Variants in TSHZ2 observed in about 807,000 individuals in gnomAD.
The protein encoded by TSHZ2 is teashirt zinc finger homeobox 2, also known as teashirt homolog 2.
Under a neutral mutation model 74.4 loss-of-function variants are expected in TSHZ2, and 21 were observed. That is an observed-to-expected ratio of 0.28 (90% confidence interval 0.20 to 0.41). The LOEUF (loss-of-function observed/expected upper bound fraction) is 0.41. TSHZ2 is among the 10% of genes least tolerant of loss of function. TSHZ2 has a pLI of 1.00. For missense variants in TSHZ2, 1,244 were observed against 1,293.5 expected, an observed-to-expected ratio of 0.96 and a Z score of 0.59; for synonymous variants, 540 against 515.3, an observed-to-expected ratio of 1.05 and a Z score of -0.65.
At chr20:52,988,934 G>A (rs1352218529) in intron 1 of TSHZ2, among the ~76,000 whole-genome samples, 5 of 152,046 alleles carry the variant, frequency 3.3e-5, no homozygotes, top group Non-Finnish European at 7.4e-5. Flanking sequence ...CGCATGCAAC[G>A]ACACTGCCCT....
In TSHZ2 at chr20:53,232,031, C is replaced by T. The variant is rs117822630; in HGVS notation, c.41-21468C>T. On this transcript the variant is annotated intron_variant, in intron 1 of 2. Coordinates refer to ENST00000371497, the MANE Select transcript of TSHZ2 (RefSeq NM_173485.6). ...TCCCAAACAGCTGAGACTACGGGCG[C>T]CTGCTACCACACCTGGCTAATTTAT... 3.9e-4 allele frequency among the ~76,000 whole-genome samples: 59 copies of T among 152,146 alleles called. No homozygotes were observed. In the East Asian group the frequency reaches 0.011, roughly 29 times the overall value.
chr20:53,078,822 A>T (rs1225772153), intron 1 of TSHZ2, among the ~76,000 whole-genome samples: 2 of 152,150 alleles, frequency 1.3e-5, no homozygotes, highest in Non-Finnish European at 2.9e-5. Context: ...GTGGGGGAAA[A>T]TTTTGGTAAA....
chr20:53,254,023 C>G lies in TSHZ2; in HGVS notation c.565C>G (p.Pro189Ala). 6.2e-7 allele frequency: 1 copy of G among 1,614,142 alleles called. No individual in the cohort carries two copies. ...CTTGCCTTCTCGGTCCGTCTCGAAA[C>G]CCAGCCTGTTCAGCTCGGTGCAGTT... ...QNLPSRSVSK[P>A]SLFSSVQLYR... Residue 189 changes from proline to alanine, a missense_variant, in exon 2 of 3, where the codon CCC becomes GCC. By Grantham distance (27) the Pro-to-Ala change is conservative. Coordinates refer to ENST00000371497, the MANE Select transcript of TSHZ2 (RefSeq NM_173485.6).
rs535064657 is a variant in TSHZ2 at position 53,267,587 on chromosome 20, T to C, written c.*8+11016T>C. Among the ~76,000 whole-genome samples the C allele has an allele frequency of 5.3e-5, 8 of 152,288 alleles. No homozygotes were observed. In the South Asian group the frequency reaches 1.5e-3, roughly 28 times the overall value. Reference sequence around the variant, plus strand: ...GGGAGTCCAGCTTAGACCCTACACATGTGTTCCTTCTACCACATGACTCTT... The same window carrying C: ...GGGAGTCCAGCTTAGACCCTACACACGTGTTCCTTCTACCACATGACTCTT... On this transcript the variant is annotated intron_variant, in intron 2 of 2. Coordinates refer to ENST00000371497, the MANE Select transcript of TSHZ2 (RefSeq NM_173485.6).
At chr20:53,126,580 A>G (rs1316506158) in intron 1 of TSHZ2, among the ~76,000 whole-genome samples, 1 of 152,224 alleles carries the variant, frequency 6.6e-6, no homozygotes, top group Non-Finnish European at 1.5e-5. Context: ...GAGTGGGGCT[A>G]TTAACAGAGT....
intron 2 of TSHZ2, among the ~76,000 whole-genome samples, chr20:53,308,769 T>C (rs1978653327): frequency 6.6e-6 from 1 of 152,220 alleles, no homozygotes; most frequent in Non-Finnish European, 1.5e-5. Flanking sequence ...ACATTACTGT[T>C]TCTCTTAGAA....
chr20:53,381,256 G>A (rs867400588), intron 2 of TSHZ2, among the ~76,000 whole-genome samples: 2 of 152,206 alleles, frequency 1.3e-5, no homozygotes, highest in Non-Finnish European at 2.9e-5. Flanking sequence ...CACTTTAGCA[G>A]TTCTACTGTA....
At chr20:53,173,226 A>C (rs1456529120) in intron 1 of TSHZ2, among the ~76,000 whole-genome samples, 1 of 152,254 alleles carries the variant, frequency 6.6e-6, no homozygotes, top group South Asian at 2.1e-4. Flanking sequence ...GATTAAAATA[A>C]AAATCACCAA....
intron 1 of TSHZ2, among the ~76,000 whole-genome samples, chr20:53,134,191 C>G (rs1422146977): frequency 6.6e-6 from 1 of 152,108 alleles, no homozygotes; most frequent in South Asian, 2.1e-4. Flanking sequence ...CTGAGATAAC[C>G]CATAAAGAAG....
rs71194478 is a variant in TSHZ2 at position 53,436,536 on chromosome 20, A to ATTTTTTTT, written c.*9-50606_*9-50605insTTTTTTTT. 1.6e-3 allele frequency among the ~76,000 whole-genome samples: 132 copies of ATTTTTTTT among 83,484 alleles called. 5 individuals carry two copies. Among genetic ancestry groups the ATTTTTTTT allele is most frequent in the East Asian group, 2.8e-3 (7 of 2,484 alleles). 54.8% of individuals were successfully genotyped at this position (83,484 alleles called of 152,430 possible). On this transcript the variant is annotated intron_variant, in intron 2 of 2. Coordinates refer to ENST00000371497, the MANE Select transcript of TSHZ2 (RefSeq NM_173485.6). ...CTTATTTTATTTATTTATTATTATTATTATTATTATTATTTTTTTTTTTTT... is the reference window on the plus strand; with the variant it reads ...CTTATTTTATTTATTTATTATTATTATTTTTTTTTTATTATTATTATTTTTTTTTTTTT...
intron 1 of TSHZ2, among the ~76,000 whole-genome samples, chr20:53,128,266 CAT>C (rs1398298468): frequency 6.6e-6 from 1 of 152,192 alleles, no homozygotes; most frequent in Non-Finnish European, 1.5e-5. Context: ...TAACTAAACT[CAT>C]ATGGGCTGAG....
chr20:53,436,533 A>ATTTTTTTTTTTTTTT (rs1444141242), intron 2 of TSHZ2, among the ~76,000 whole-genome samples: 1 of 115,980 alleles, frequency 8.6e-6, no homozygotes, highest in Admixed American at 9.6e-5. Flanking sequence ...ATTTATTATT[A>ATTTTTTTTTTTTTTT]TTATTATTAT....
intron 2 of TSHZ2, among the ~76,000 whole-genome samples, chr20:53,319,202 G>T (rs1338225800): frequency 6.6e-6 from 1 of 152,188 alleles, no homozygotes; most frequent in African/African-American, 2.4e-5. Context: ...TTGATCACCT[G>T]TTATGCTGTA....
At chr20:53,058,392 C>G (rs1453870674) in intron 1 of TSHZ2, among the ~76,000 whole-genome samples, 2 of 152,230 alleles carry the variant, frequency 1.3e-5, no homozygotes, top group African/African-American at 4.8e-5. Context: ...AGTCAACAAA[C>G]TAATTCACCT....
intron 1 of TSHZ2, among the ~76,000 whole-genome samples, chr20:53,182,082 C>T (rs572127500): frequency 7.2e-5 from 11 of 151,894 alleles, no homozygotes; most frequent in East Asian, 3.9e-4. Context: ...GTGCCTAGGC[C>T]GGCCTGCCTT....
rs75847769 is a variant in TSHZ2, at chr20:53,074,487, A to C, written c.40+101154A>C. On this transcript the variant is annotated intron_variant, in intron 1 of 2. Transcript: ENST00000371497. This position sits in a 1 kb window ranked among gnomAD's most constrained non-coding sequence, Gnocchi z 5.9. ...TGTAGAAATCCAACAAATGTGTAAA[A>C]GGTAAAGGCAAACCAGATTTTTTTA... Among the ~76,000 whole-genome samples the C allele has an allele frequency of 6.8e-3, 1,040 of 152,332 alleles. 16 individuals carry two copies. The highest frequency in any genetic ancestry group is 0.024 in the African/African-American group (1,005 of 41,572).
At chr20:53,102,587 T>G (rs1986249771) in intron 1 of TSHZ2, among the ~76,000 whole-genome samples, 1 of 152,070 alleles carries the variant, frequency 6.6e-6, no homozygotes, top group Non-Finnish European at 1.5e-5. Flanking sequence ...AGAAACAACC[T>G]TTGCAAAACT....
rs140068062 is a variant in TSHZ2, at chr20:53,041,557, CAAGG to C, written c.40+68228_40+68231del. ...CAACGACATAAAGGGGACAGTTTCT[CAAGG>C]AAGACTAGGGTCAAATTACCAGATA... On this transcript the variant is annotated intron_variant, in intron 1 of 2. Transcript: ENST00000371497. 2.2e-3 allele frequency among the ~76,000 whole-genome samples: 339 copies of C among 152,228 alleles called. 1 individual carries two copies. Among genetic ancestry groups the C allele is most frequent in the African/African-American group, 7.9e-3 (327 of 41,524 alleles).
intron 2 of TSHZ2, among the ~76,000 whole-genome samples, chr20:53,474,247 C>A (rs1002377959): frequency 2.8e-5 from 4 of 144,510 alleles, no homozygotes; most frequent in African/African-American, 1.1e-4. Context: ...ATGTTAAGGG[C>A]AGCCAGAGAG....
Sources: gnomAD v4.1 joint callset for allele counts (sites outside exome capture counted in the v4.1 genomes callset) on GRCh38, gnomAD v4.1.1 for gene constraint, Gnocchi (gnomAD v3.1) non-coding constraint, MANE v1.5 for transcripts, NCBI Gene and HGNC (gene_info 2026-07-23, HGNC 2026-07-21) for gene names.